PCMTD1: variants seen among roughly 807,000 people sequenced by gnomAD.
The protein encoded by PCMTD1 is protein-L-isoaspartate O-methyltransferase domain-containing protein 1.
In PCMTD1, 12 loss-of-function variants were observed where a neutral mutation model predicts 37.6. The observed-to-expected ratio is 0.32, with a 90% confidence interval of 0.20 to 0.52. PCMTD1 has a LOEUF of 0.52. Among genes scored for constraint, PCMTD1 ranks in the 20% least tolerant of loss-of-function variants. PCMTD1 has a pLI of 0.97. For synonymous variants in PCMTD1, 117 were observed against 135.8 expected (o/e 0.86, Z 0.96); for missense variants, 235 against 421.3 (o/e 0.56, Z 3.87).
chr8:51,836,165 T>C (rs762117484), intron 3 of PCMTD1, among the ~76,000 whole-genome samples: 6 of 152,160 alleles, frequency 3.9e-5, no homozygotes, highest in Non-Finnish European at 7.3e-5. Flanking sequence ...AAGGGCTCCC[T>C]GAGAAATGGC....
intron 1 of PCMTD1, among the ~76,000 whole-genome samples, chr8:51,887,320 A>T (rs1475934838): frequency 1.3e-5 from 2 of 152,180 alleles, no homozygotes; most frequent in African/African-American, 4.8e-5. Flanking sequence ...TCCATAGAGA[A>T]TCAGATACAA....
At chr8:51,863,716 G>A (rs2038508507) in intron 1 of PCMTD1, among the ~76,000 whole-genome samples, 1 of 152,202 alleles carries the variant, frequency 6.6e-6, no homozygotes, top group Non-Finnish European at 1.5e-5. Context: ...GAAGTCAGGA[G>A]CTCAAGACCA....
chr8:51,833,674 T>C lies in PCMTD1; in HGVS notation c.426A>G (p.Glu142=), dbSNP rs1429649515. The C allele has an allele frequency of 1.2e-6, 2 of 1,608,304 alleles. No homozygotes were observed. The highest frequency in any genetic ancestry group is 1.1e-5 in the South Asian group (1 of 90,130). ...GGCAATTACCAACAACAAATGCAGG[T>C]TCACAGAACTCAAATCTGCATTGAA... is the stretch of plus-strand genomic sequence containing the variant. ...SDSFDKFEFC[E]PAFVVGNCLQ... The change falls in exon 4 of 6, where the codon GAA becomes GAG. Residue 142 remains glutamate, a synonymous_variant. Coordinates refer to ENST00000522514, the MANE Select transcript of PCMTD1 (RefSeq NM_052937.4).
At chr8:51,891,658 T>TA (rs967672114) in intron 1 of PCMTD1, among the ~76,000 whole-genome samples, 197 of 133,224 alleles carry the variant, frequency 1.5e-3, no homozygotes, top group African/African-American at 4.0e-3. Context: ...TGCCACTAGT[T>TA]AAAAAAAAAA....
upstream of PCMTD1, chr8:51,899,186 T>C (rs1336493586): frequency 4.8e-6 from 6 of 1,259,686 alleles, no homozygotes; most frequent in African/African-American, 3.1e-5. Flanking sequence ...CGCCCCCATC[T>C]GGCCCCGCCC....
At chr8:51,858,286 T>C (rs568686733) in intron 2 of PCMTD1, among the ~76,000 whole-genome samples, 1 of 144,538 alleles carries the variant, frequency 6.9e-6, no homozygotes, top group African/African-American at 2.6e-5. Context: ...AGTTTACTAC[T>C]AAATATGTAG....
At chr8:51,886,441 T>TC (rs1314618213) in intron 1 of PCMTD1, among the ~76,000 whole-genome samples, 1 of 152,196 alleles carries the variant, frequency 6.6e-6, no homozygotes, top group African/African-American at 2.4e-5. Context: ...GCAATGAACT[T>TC]CAAGATGATC....
At chr8:51,866,860 T>A (rs1373763818) in intron 1 of PCMTD1, among the ~76,000 whole-genome samples, 2 of 151,866 alleles carry the variant, frequency 1.3e-5, no homozygotes, top group Non-Finnish European at 2.9e-5. Context: ...TGATAACATA[T>A]ATTGAAAAAA....
At chr8:51,829,270 G>C (rs2037965901) in intron 5 of PCMTD1, among the ~76,000 whole-genome samples, 2 of 152,102 alleles carry the variant, frequency 1.3e-5, no homozygotes, top group African/African-American at 4.8e-5. Context: ...TCAAGCTGAA[G>C]AAACATTTAT....
intron 2 of PCMTD1, among the ~76,000 whole-genome samples, chr8:51,851,312 T>C (rs1005860139): frequency 6.6e-6 from 1 of 152,216 alleles, no homozygotes; most frequent in Non-Finnish European, 1.5e-5. Context: ...TACTCTCTTT[T>C]ATCATACATG....
chr8:51,819,234 T>C lies in PCMTD1; in HGVS notation c.*1117A>G, dbSNP rs1221237599. ...TGAACATGGCATAGGTCCCAAAGAT[T>C]ACACTATGATTCTGAACAGCATTTT... is the stretch of plus-strand genomic sequence containing the variant. On this transcript the variant is annotated 3_prime_UTR_variant, in exon 6 of 6. Coordinates refer to ENST00000522514, the MANE Select transcript of PCMTD1 (RefSeq NM_052937.4). 1 of 152,094 alleles carries C rather than the reference T, an allele frequency of 6.6e-6. No individual in the cohort carries two copies. The highest frequency in any genetic ancestry group is 2.4e-5 in the African/African-American group (1 of 41,424). The allele number at this position is 152,094 out of a possible 1,614,324, so 9.4% of individuals were successfully genotyped here. A position where few individuals can be genotyped will look rare whatever the true frequency, so the allele number is the denominator to read the frequency against.
At chr8:51,873,145 C>T (rs1286673555) in intron 1 of PCMTD1, among the ~76,000 whole-genome samples, 1 of 152,128 alleles carries the variant, frequency 6.6e-6, no homozygotes, top group Non-Finnish European at 1.5e-5. Context: ...TTTCAAAGCA[C>T]TTTAACATCA....
At chr8:51,838,621 C>T (rs1459410858) in intron 3 of PCMTD1, among the ~76,000 whole-genome samples, 1 of 152,118 alleles carries the variant, frequency 6.6e-6, no homozygotes, top group East Asian at 1.9e-4. Flanking sequence ...ATTACAACTC[C>T]TATTGATTCT....
chr8:51,843,271 T>C (rs138598404), intron 3 of PCMTD1, among the ~76,000 whole-genome samples: 9 of 152,188 alleles, frequency 5.9e-5, no homozygotes, highest in South Asian at 4.1e-4. Flanking sequence ...TCCTTGTATA[T>C]AAGCTACTTT....
chr8:51,859,198 C>T (rs2038436017), intron 2 of PCMTD1, among the ~76,000 whole-genome samples: 1 of 151,974 alleles, frequency 6.6e-6, no homozygotes, highest in Admixed American at 6.6e-5. Flanking sequence ...CCCAGAGTTG[C>T]CAGAGCTGGT....
At chr8:51,842,485 T>C (rs2038161782) in intron 3 of PCMTD1, among the ~76,000 whole-genome samples, 1 of 151,946 alleles carries the variant, frequency 6.6e-6, no homozygotes, top group Admixed American at 6.6e-5. Context: ...CAGCTAATTT[T>C]TCTAATTTTT....
At chr8:51,897,928 C>T (rs1292762862) in intron 1 of PCMTD1, among the ~76,000 whole-genome samples, 1 of 152,032 alleles carries the variant, frequency 6.6e-6, no homozygotes, top group Non-Finnish European at 1.5e-5. Context: ...AAAGCACACT[C>T]ATTAAATGCA....
At chr8:51,898,335 G>C (rs1157474196) in intron 1 of PCMTD1, among the ~76,000 whole-genome samples, 3 of 152,030 alleles carry the variant, frequency 2.0e-5, no homozygotes, top group Non-Finnish European at 4.4e-5. Context: ...AGCAAAACGC[G>C]GGCACTGCAC....
At chr8:51,831,317 A>G in intron 5 of PCMTD1, 127 bp downstream of exon 5, 1 of 1,044,970 alleles carries the variant, frequency 9.6e-7, no homozygotes, top group Non-Finnish European at 1.3e-6. Context: ...AAAAAGTTGA[A>G]TAAATCCACC....
Sources: allele counts gnomAD v4.1 joint callset (sites outside exome capture counted in the v4.1 genomes callset), GRCh38; gene constraint gnomAD v4.1.1; transcripts MANE v1.5; gene names NCBI Gene and HGNC (gene_info 2026-07-23, HGNC 2026-07-21).